SERTAD4: variants seen among roughly 807,000 people sequenced by gnomAD.
The protein encoded by SERTAD4 is SERTA domain-containing protein 4.
In SERTAD4, 18 loss-of-function variants were observed where a neutral mutation model predicts 32.9. The ratio of observed to expected loss-of-function variants is 0.55; its 90% CI spans 0.38 to 0.81. The LOEUF is 0.81. SERTAD4 is among the 30% of genes least tolerant of loss of function. The probability of loss-of-function intolerance (pLI) is 0.00; values close to 1 mark genes in which losing one functional copy is unlikely to be tolerated. For synonymous variants in SERTAD4, 150 were observed against 156.4 expected (o/e 0.96, Z 0.30); for missense variants, 383 against 426.0 (o/e 0.90, Z 0.89).
Position 210,239,585 on chromosome 1 carries a change from C to T in SERTAD4, c.268C>T (p.Pro90Ser), listed in dbSNP as rs759972796. ...TGTGGAAGAAGAGGATTTTCACCCA[C>T]CACTCAGCAGCTGTAGCCATAAAGT... ...KYVEEEDFHP[P>S]LSSCSHKTIS... Residue 90 changes from proline to serine, a missense_variant, in exon 3 of 4, where the codon CCA (proline) becomes TCA (serine). Transcript: ENST00000367012. 5 of 1,598,868 alleles carry T rather than the reference C, an allele frequency of 3.1e-6. No individual in the cohort carries two copies. The highest frequency in any genetic ancestry group is 2.2e-5 in the East Asian group (1 of 44,578).
chr1:210,241,747 G>T lies in SERTAD4; in HGVS notation c.481G>T (p.Ala161Ser), dbSNP rs768257180. The T allele has an allele frequency of 5.2e-5, 84 of 1,613,946 alleles. No homozygotes were observed. The highest frequency in any genetic ancestry group is 6.9e-5 in the Non-Finnish European group (82 of 1,180,018). ...TGCCTGCTCTTTCAATGGCACCTCTGCCCAAGAGTGGTTTATGGCTCAAGA... is the reference window on the plus strand; with the variant it reads ...TGCCTGCTCTTTCAATGGCACCTCTTCCCAAGAGTGGTTTATGGCTCAAGA... ...FPACSFNGTSAQEWFMAQDCP... is the reference protein window; with the variant it reads ...FPACSFNGTSSQEWFMAQDCP... Residue 161 changes from alanine (A) to serine (S), a missense_variant, in exon 4 of 4, where the codon GCC (alanine) becomes TCC (serine). Coordinates refer to ENST00000367012, the MANE Select transcript of SERTAD4 (RefSeq NM_019605.5).
In SERTAD4 at chr1:210,244,557, TA is replaced by T; in HGVS notation, c.*2223del. The T allele has an allele frequency of 6.6e-6, 1 of 152,314 alleles. No homozygotes were observed. Among genetic ancestry groups the T allele is most frequent in the South Asian group, 2.1e-4 (1 of 4,824 alleles). 9.4% of individuals were successfully genotyped at this position (152,314 alleles called of 1,614,324 possible). A position where few individuals can be genotyped will look rare whatever the true frequency, so the allele number is the denominator to read the frequency against. ...AATGTTCTTAGGAGCTAATATTTGATAAAGGGGAAAGCTAGTTAAAAACTAA... is the reference window on the plus strand; with the variant it reads ...AATGTTCTTAGGAGCTAATATTTGATAAGGGGAAAGCTAGTTAAAAACTAA... On this transcript the variant is annotated 3_prime_UTR_variant, in exon 4 of 4. Coordinates refer to ENST00000367012, the MANE Select transcript of SERTAD4 (RefSeq NM_019605.5).
intron 1 of SERTAD4, among the ~76,000 whole-genome samples, chr1:210,234,526 C>G (rs2083922467): frequency 6.6e-6 from 1 of 152,180 alleles, no homozygotes; most frequent in African/African-American, 2.4e-5. Context: ...CCCATCCAGT[C>G]CCTTCCACTA....
intron 3 of SERTAD4, among the ~76,000 whole-genome samples, chr1:210,240,898 C>T (rs2083988311): frequency 6.6e-6 from 1 of 152,182 alleles, no homozygotes; most frequent in Non-Finnish European, 1.5e-5. Flanking sequence ...AAATCTCATG[C>T]TCCTTCTTGG....
Position 210,243,093 on chromosome 1 carries a change from C to CGCAA in SERTAD4, c.*756_*757insGCAA. On this transcript the variant is annotated 3_prime_UTR_variant, in exon 4 of 4. Transcript: ENST00000367012. ...TACAGCAGGGATTTAACAAACAGGA[C>CGCAA]AAAAAAAAAAAAAAAAAAAAAACCA... The CGCAA allele has an allele frequency of 2.1e-6, 1 of 483,554 alleles. No individual in the cohort carries two copies. Among genetic ancestry groups the CGCAA allele is most frequent in the Non-Finnish European group, 2.4e-6 (1 of 412,958 alleles). The allele number at this position is 483,554 out of a possible 1,614,324, so 30.0% of individuals were successfully genotyped here.
In SERTAD4 at chr1:210,241,593, T is replaced by C. The variant is rs2083995914; in HGVS notation, c.327T>C (p.Leu109=). 8.1e-6 allele frequency: 13 copies of C among 1,605,122 alleles called. No homozygotes were observed. Among genetic ancestry groups the C allele is most frequent in the Non-Finnish European group, 1.0e-5 (12 of 1,176,502 alleles). The change falls in exon 4 of 4, where the codon CTT becomes CTC. Residue 109 remains leucine, a synonymous_variant. Coordinates refer to ENST00000367012, the MANE Select transcript of SERTAD4 (RefSeq NM_019605.5). The stretch of plus-strand genomic sequence containing the variant: ...TTTTTGAGGAACGAGCCCACATCCT[T>C]TATATGTCCTTAGAAAAGCTAAAGT... ...ISIFEERAHI[L]YMSLEKLKFI... is the part of the protein sequence containing the mutation.
Position 210,242,517 on chromosome 1 carries a change from GCTT to G in SERTAD4, c.*184_*186del. 4.5e-6 allele frequency: 6 copies of G among 1,336,602 alleles called. No individual in the cohort carries two copies. The highest frequency in any genetic ancestry group is 5.7e-6 in the Non-Finnish European group (6 of 1,051,022). 82.8% of individuals were successfully genotyped at this position (1,336,602 alleles called of 1,614,324 possible). On this transcript the variant is annotated 3_prime_UTR_variant, in exon 4 of 4. Transcript: ENST00000367012. The surrounding 1 kb of genome is among the most constrained non-coding windows in gnomAD (Gnocchi z 4.0). Reference sequence around the variant, plus strand: ...ACATCTGTATAGCAGGCATCAGCGAGCTTCTTATAAATGTGGTGATTTTTACCA... The same window carrying G: ...ACATCTGTATAGCAGGCATCAGCGAGCTTATAAATGTGGTGATTTTTACCA...
Position 210,243,634 on chromosome 1 carries a change from T to C in SERTAD4, c.*1297T>C, listed in dbSNP as rs1366993745. 3 of 152,208 alleles carry C rather than the reference T, an allele frequency of 2.0e-5. No individual in the cohort carries two copies. The East Asian group carries it at 5.8e-4, about 29-fold the overall frequency. 9.4% of individuals were successfully genotyped at this position (152,208 alleles called of 1,614,324 possible). Reference sequence around the variant, plus strand: ...TTTGGTCTACATTTTCCAAATAATATCTTTAACTTGTACATTTGAAAAGTG... The same window carrying C: ...TTTGGTCTACATTTTCCAAATAATACCTTTAACTTGTACATTTGAAAAGTG... On this transcript the variant is annotated 3_prime_UTR_variant, in exon 4 of 4. Coordinates refer to ENST00000367012, the MANE Select transcript of SERTAD4 (RefSeq NM_019605.5).
Position 210,241,809 on chromosome 1 carries a change from G to C in SERTAD4, c.543G>C (p.Glu181Asp), listed in dbSNP as rs2147849523. The C allele has an allele frequency of 6.2e-7, 1 of 1,614,106 alleles. No homozygotes were observed. The highest frequency in any genetic ancestry group is 8.5e-7 in the Non-Finnish European group (1 of 1,180,008). The change falls in exon 4 of 4, where the codon GAG becomes GAC. Residue 181 changes from glutamate to aspartate, a missense_variant. Around this residue, in one of 3 missense-constraint regions of SERTAD4, gnomAD observed 107 missense variants for 158.8 expected, o/e 0.67. Transcript: ENST00000367012. Reference sequence around the variant, plus strand: ...GAAAACGACCACGGATGGCCAAAGAGGAATGTGAAAAGTTTCATGCCTGCT... The same window carrying C: ...GAAAACGACCACGGATGGCCAAAGACGAATGTGAAAAGTTTCATGCCTGCT... Reference protein sequence around the residue: ...PYRKRPRMAKEECEKFHACCF... With the variant: ...PYRKRPRMAKDECEKFHACCF...
Position 210,242,554 on chromosome 1 carries a change from ATTGAC to A in SERTAD4, c.*220_*224del. The stretch of plus-strand genomic sequence containing the variant: ...TGTGGTGATTTTTACCAAGGAAACG[ATTGAC>A]TTAATGCTTAAAAGTATATCATAGT... On this transcript the variant is annotated 3_prime_UTR_variant, in exon 4 of 4. Transcript: ENST00000367012. The surrounding 1 kb of genome is among the most constrained non-coding windows in gnomAD (Gnocchi z 4.0). 1 of 1,311,736 alleles carries A rather than the reference ATTGAC, an allele frequency of 7.6e-7. No individual in the cohort carries two copies. Among genetic ancestry groups the A allele is most frequent in the South Asian group, 2.6e-5 (1 of 39,068 alleles). 81.3% of individuals were successfully genotyped at this position (1,311,736 alleles called of 1,614,324 possible). A position where few individuals can be genotyped will look rare whatever the true frequency, so the allele number is the denominator to read the frequency against.
At position 210,244,136 on chromosome 1, in the gene SERTAD4, T is replaced by C. The variant is rs2147851537; in HGVS notation, c.*1799T>C. 6.6e-6 allele frequency: 1 copy of C among 152,320 alleles called. No individual in the cohort carries two copies. Among genetic ancestry groups the C allele is most frequent in the Non-Finnish European group, 1.5e-5 (1 of 68,018 alleles). The allele number at this position is 152,320 out of a possible 1,614,324, so 9.4% of individuals were successfully genotyped here. On this transcript the variant is annotated 3_prime_UTR_variant, in exon 4 of 4. Transcript: ENST00000367012. Reference sequence around the variant, plus strand: ...TAAATTTTAATGGCTATTGGCTATGTTTCTCTTTTCCATTATTCTCTCTCC... The same window carrying C: ...TAAATTTTAATGGCTATTGGCTATGCTTCTCTTTTCCATTATTCTCTCTCC...
downstream of SERTAD4, chr1:210,246,550 C>G: frequency 1.0e-6 from 1 of 984,854 alleles, no homozygotes; most frequent in South Asian, 4.7e-5. Context: ...CTGTAATTTC[C>G]TGTTTCTGCA....
In SERTAD4 at chr1:210,238,056, C is replaced by T; in HGVS notation, c.96C>T (p.Asp32=). Reference sequence around the variant, plus strand: ...GGTACCAAACACTATGGGAGGCTGACAGCTACGGAGGCCCAAGCCCCCCAG... The same window carrying T: ...GGTACCAAACACTATGGGAGGCTGATAGCTACGGAGGCCCAAGCCCCCCAG... The part of the protein sequence containing the change: ...IAGYQTLWEA[D]SYGGPSPPGP... The change falls in exon 2 of 4, where the codon GAC becomes GAT. Residue 32 remains aspartate (D), a synonymous_variant. Transcript: ENST00000367012. 1 of 1,613,830 alleles carries T rather than the reference C, an allele frequency of 6.2e-7. No individual in the cohort carries two copies. Among genetic ancestry groups the T allele is most frequent in the Non-Finnish European group, 8.5e-7 (1 of 1,179,890 alleles).
In SERTAD4 at chr1:210,239,476, C is replaced by A; in HGVS notation, c.176-17C>A. The stretch of plus-strand genomic sequence containing the variant: ...GCAAACCGCATGTCATTTGTCATAT[C>A]TGATTTATTACCACAGGATCACATT... On this transcript the variant is annotated splice_polypyrimidine_tract_variant and intron_variant, in intron 2 of 3. Transcript: ENST00000367012. The A allele has an allele frequency of 6.9e-7, 1 of 1,442,898 alleles. No individual in the cohort carries two copies. Among genetic ancestry groups the A allele is most frequent in the Non-Finnish European group, 9.7e-7 (1 of 1,028,712 alleles). 89.4% of individuals were successfully genotyped at this position (1,442,898 alleles called of 1,614,324 possible). A position where few individuals can be genotyped will look rare whatever the true frequency, so the allele number is the denominator to read the frequency against.
rs75403356 is a variant in SERTAD4 at position 210,242,630 on chromosome 1, C to T, written c.*293C>T. Reference sequence around the variant, plus strand: ...TAGATGAGATTGGGGGACAATGTGCCCTTGCAATATTTCCATTGCCCCCCA... The same window carrying T: ...TAGATGAGATTGGGGGACAATGTGCTCTTGCAATATTTCCATTGCCCCCCA... On this transcript the variant is annotated 3_prime_UTR_variant, in exon 4 of 4. Transcript: ENST00000367012. The surrounding 1 kb of genome is among the most constrained non-coding windows in gnomAD (Gnocchi z 4.0). 177 of 1,116,428 alleles carry T rather than the reference C, an allele frequency of 1.6e-4. No individual in the cohort carries two copies. The African/African-American group carries it at 2.7e-3, about 17-fold the overall frequency. 69.2% of individuals were successfully genotyped at this position (1,116,428 alleles called of 1,614,324 possible). A position where few individuals can be genotyped will look rare whatever the true frequency, so the allele number is the denominator to read the frequency against.
rs2083892435 is a variant in SERTAD4 at position 210,233,004 on chromosome 1, A to ACCCCGCTGACCCCGCCT, written c.-19_-18insTGACCCCGCCTCCCCGC. 1 of 150,456 alleles carries ACCCCGCTGACCCCGCCT rather than the reference A, an allele frequency of 6.6e-6. No individual in the cohort carries two copies. Among genetic ancestry groups the ACCCCGCTGACCCCGCCT allele is most frequent in the Non-Finnish European group, 1.5e-5 (1 of 67,484 alleles). 9.3% of individuals were successfully genotyped at this position (150,456 alleles called of 1,614,324 possible). On this transcript the variant is annotated 5_prime_UTR_variant, in exon 1 of 4. Coordinates refer to ENST00000367012, the MANE Select transcript of SERTAD4 (RefSeq NM_019605.5). ...CGCTGCGGCCGCCGCCTCCCCGCTG[A>ACCCCGCTGACCCCGCCT]CCCCGCGGTAAGAGCCGGGCTGGGC...
In SERTAD4 at chr1:210,241,543, T is replaced by G; in HGVS notation, c.292-15T>G. The G allele has an allele frequency of 1.3e-6, 2 of 1,489,412 alleles. No individual in the cohort carries two copies. The highest frequency in any genetic ancestry group is 1.8e-6 in the Non-Finnish European group (2 of 1,123,346). The allele number at this position is 1,489,412 out of a possible 1,614,324, so 92.3% of individuals were successfully genotyped here. Reference sequence around the variant, plus strand: ...TTCTGTTTGTTTTTTTCTTTTTTTTTTTTTTGGTTTGTAGACCATCTCAAT... The same window carrying G: ...TTCTGTTTGTTTTTTTCTTTTTTTTGTTTTTGGTTTGTAGACCATCTCAAT... On this transcript the variant is annotated splice_polypyrimidine_tract_variant and intron_variant, in intron 3 of 3. Transcript: ENST00000367012.
Position 210,241,944 on chromosome 1 carries a change from C to T in SERTAD4, c.678C>T (p.Ser226=). ...CCTCTCCCTCCGCCTCTTCTTCCTC[C>T]TCATCTTCCTCTTCCTCTCCCCCTT... is the stretch of plus-strand genomic sequence containing the variant. ...AASSPSASSS[S]SSSSSSPPLP... Residue 226 remains serine, a synonymous_variant, in exon 4 of 4, where the codon TCC becomes TCT. Coordinates refer to ENST00000367012, the MANE Select transcript of SERTAD4 (RefSeq NM_019605.5). 1 of 1,614,158 alleles carries T rather than the reference C, an allele frequency of 6.2e-7. No homozygotes were observed. Among genetic ancestry groups the T allele is most frequent in the Non-Finnish European group, 8.5e-7 (1 of 1,180,004 alleles).
chr1:210,235,432 A>G (rs528113267), intron 1 of SERTAD4, among the ~76,000 whole-genome samples: 1 of 152,344 alleles, frequency 6.6e-6, no homozygotes, highest in African/African-American at 2.4e-5. Context: ...CCGCTCCCAA[A>G]TAATCCCAAC....
Sources: gnomAD v4.1 joint callset for allele counts (sites outside exome capture counted in the v4.1 genomes callset) on GRCh38, gnomAD v4.1.1 for gene constraint, gnomAD v4.1.1 regional missense constraint, Gnocchi (gnomAD v3.1) non-coding constraint, MANE v1.5 for transcripts, NCBI Gene and HGNC (gene_info 2026-07-23, HGNC 2026-07-21) for gene names.